ITGA11: variants seen among roughly 807,000 people sequenced by gnomAD.
ITGA11 encodes the protein integrin alpha-11.
ITGA11 carries 97 observed loss-of-function variants against 141.9 expected under a neutral mutation model. The ratio of observed to expected loss-of-function variants is 0.68; its 90% CI spans 0.58 to 0.81. The LOEUF is 0.81. ITGA11 is among the 30% of genes least tolerant of loss of function. The probability of loss-of-function intolerance (pLI) is 0.00; values close to 1 mark genes in which losing one functional copy is unlikely to be tolerated. For missense variants in ITGA11, 1,387 were observed against 1,559.2 expected (o/e 0.89, Z 1.86); for synonymous variants, 658 against 624.6 (o/e 1.05, Z -0.80).
At chr15:68,332,948 ATAGTT>A (rs1409750767) in intron 12 of ITGA11, among the ~76,000 whole-genome samples, 1 of 152,212 alleles carries the variant, frequency 6.6e-6, no homozygotes, top group African/African-American at 2.4e-5. Flanking sequence ...TAAGGCAAAT[ATAGTT>A]TATATACTGA....
rs368716827 is a variant in ITGA11, at chr15:68,408,546, G to A, written c.53-5517C>T. 5.3e-5 allele frequency among the ~76,000 whole-genome samples: 8 copies of A among 152,152 alleles called. No homozygotes were observed. In the East Asian group the frequency reaches 9.7e-4, roughly 18 times the overall value. The stretch of plus-strand genomic sequence containing the variant: ...CTATCAGCTTGGGAGAGTGGCTCAC[G>A]GGAAGCACGTGGAGTGCAAGTGTGC... On this transcript the variant is annotated intron_variant, in intron 1 of 29. Coordinates refer to ENST00000315757, the MANE Select transcript of ITGA11 (RefSeq NM_001004439.2).
Position 68,335,749 on chromosome 15 carries a change from G to A in ITGA11, c.1373C>T (p.Thr458Ile). 1.2e-6 allele frequency: 2 copies of A among 1,613,898 alleles called. No homozygotes were observed. The highest frequency in any genetic ancestry group is 1.7e-6 in the Non-Finnish European group (2 of 1,179,866). Residue 458 changes from threonine to isoleucine, a missense_variant, in exon 12 of 30, where the codon ACC becomes ATC. Coordinates refer to ENST00000315757, the MANE Select transcript of ITGA11 (RefSeq NM_001004439.2). The surrounding 1 kb of genome is among the most constrained non-coding windows in gnomAD (Gnocchi z 4.9). Reference protein sequence around the residue: ...FNHTGKVILFTMHNNRSLTIH... With the variant: ...FNHTGKVILFIMHNNRSLTIH... ...GGTGAGGCTCCGGTTGTTGTGCATG[G>A]TGAACAGGATGACCTTGCCCGTGTG...
At chr15:68,411,095 T>C (rs563320445) in intron 1 of ITGA11, among the ~76,000 whole-genome samples, 1 of 152,192 alleles carries the variant, frequency 6.6e-6, no homozygotes, top group Non-Finnish European at 1.5e-5. Context: ...CATTGCCACA[T>C]GGAGGGTGTG....
rs1378712564 is a variant in ITGA11 at position 68,335,017 on chromosome 15, G to C, written c.1425+680C>G. On this transcript the variant is annotated intron_variant, in intron 12 of 29. Coordinates refer to ENST00000315757, the MANE Select transcript of ITGA11 (RefSeq NM_001004439.2). This position sits in a 1 kb window ranked among gnomAD's most constrained non-coding sequence, Gnocchi z 4.9. ...GCGGATTCTCACAGTGACCAGCCAA[G>C]GGCAGTCAGAGACTCAGGAGACAGG... Among the ~76,000 whole-genome samples, 1 of 152,158 alleles carries C rather than the reference G, an allele frequency of 6.6e-6. No individual in the cohort carries two copies. Among genetic ancestry groups the C allele is most frequent in the African/African-American group, 2.4e-5 (1 of 41,434 alleles).
chr15:68,417,726 C>G (rs551206529), intron 1 of ITGA11, among the ~76,000 whole-genome samples: 1 of 152,316 alleles, frequency 6.6e-6, no homozygotes, highest in East Asian at 1.9e-4. Context: ...CAAGCTGTTT[C>G]CCACTTTGAG....
intron 20 of ITGA11, among the ~76,000 whole-genome samples, chr15:68,319,624 T>C (rs1212006197): frequency 6.6e-6 from 1 of 152,246 alleles, no homozygotes; most frequent in African/African-American, 2.4e-5. Context: ...GAACCGGTTC[T>C]GATTCTTGTC....
intron 2 of ITGA11, among the ~76,000 whole-genome samples, chr15:68,384,760 T>C (rs1895943740): frequency 6.6e-6 from 1 of 152,276 alleles, no homozygotes; most frequent in East Asian, 1.9e-4. Flanking sequence ...CAAGAGAAAA[T>C]AGCGGAGAGC....
intron 1 of ITGA11, among the ~76,000 whole-genome samples, chr15:68,405,507 G>C (rs1046241934): frequency 6.6e-6 from 1 of 152,110 alleles, no homozygotes; most frequent in African/African-American, 2.4e-5. Context: ...GCCCTGGAGT[G>C]GGGGTTGGGG....
rs1432514607 is a variant in ITGA11, at chr15:68,368,942, C to G, written c.265+242G>C. On this transcript the variant is annotated intron_variant, in intron 3 of 29. Coordinates refer to ENST00000315757, the MANE Select transcript of ITGA11 (RefSeq NM_001004439.2). ...AGTCAGAAAGAGGAATGGCCTGGGA[C>G]AGCTAGGGCCTGGGTTGATTCCTGG... 2.1e-5 allele frequency among the ~76,000 whole-genome samples: 3 copies of G among 141,496 alleles called. 1 individual carries two copies. Among genetic ancestry groups the G allele is most frequent in the African/African-American group, 7.9e-5 (3 of 38,190 alleles). The allele number at this position is 141,496 out of a possible 152,430, so 92.8% of individuals were successfully genotyped here. A position where few individuals can be genotyped will look rare whatever the true frequency, so the allele number is the denominator to read the frequency against.
intron 2 of ITGA11, among the ~76,000 whole-genome samples, chr15:68,393,270 A>T (rs1316630544): frequency 6.6e-6 from 1 of 152,216 alleles, no homozygotes; most frequent in Non-Finnish European, 1.5e-5. Context: ...ACACAATTCA[A>T]GTTTAGAAAG....
rs1893051601 is a variant in ITGA11, at chr15:68,302,115, T to TAC, written c.*943_*944insGT. ...GTGTGTGTGTGTGTGTGTGTGTGTGTAGGGAGGGGGTGATACAGGGAGGGG... is the reference window on the plus strand; with the variant it reads ...GTGTGTGTGTGTGTGTGTGTGTGTGTACAGGGAGGGGGTGATACAGGGAGGGG... On this transcript the variant is annotated 3_prime_UTR_variant, in exon 30 of 30. Transcript: ENST00000315757. 2.3e-5 allele frequency: 3 copies of TAC among 133,168 alleles called. No homozygotes were observed. Among genetic ancestry groups the TAC allele is most frequent in the African/African-American group, 8.4e-5 (3 of 35,548 alleles). 8.2% of individuals were successfully genotyped at this position (133,168 alleles called of 1,614,324 possible).
At chr15:68,343,963 G>T (rs571647104) in intron 10 of ITGA11, among the ~76,000 whole-genome samples, 1 of 152,186 alleles carries the variant, frequency 6.6e-6, no homozygotes, top group African/African-American at 2.4e-5. Flanking sequence ...GGCAGCTGGG[G>T]TGAGCAGAAG....
At chr15:68,377,071 C>CG (rs1895747417) in intron 2 of ITGA11, among the ~76,000 whole-genome samples, 1 of 152,220 alleles carries the variant, frequency 6.6e-6, no homozygotes, top group Non-Finnish European at 1.5e-5. Context: ...CTCTGACCAT[C>CG]TAGCGCACCC....
rs1893966571 is a variant in ITGA11 at position 68,326,204 on chromosome 15, T to C, written c.2211+450A>G. Among the ~76,000 whole-genome samples, 1 of 152,196 alleles carries C rather than the reference T, an allele frequency of 6.6e-6. No individual in the cohort carries two copies. Among genetic ancestry groups the C allele is most frequent in the Non-Finnish European group, 1.5e-5 (1 of 68,038 alleles). On this transcript the variant is annotated intron_variant, in intron 17 of 29. Coordinates refer to ENST00000315757, the MANE Select transcript of ITGA11 (RefSeq NM_001004439.2). This position sits in a 1 kb window ranked among gnomAD's most constrained non-coding sequence, Gnocchi z 6.8. ...TAAACCTCTCATTCTCTTCCTTAGC[T>C]ATAAAATGGGGCACCAGGCCACTAC...
intron 2 of ITGA11, among the ~76,000 whole-genome samples, chr15:68,387,972 T>C (rs1896026745): frequency 2.6e-5 from 4 of 152,250 alleles, no homozygotes; most frequent in Middle Eastern, 3.4e-3. Flanking sequence ...GCTCTCCTGA[T>C]GCACATGTGG....
intron 16 of ITGA11, among the ~76,000 whole-genome samples, chr15:68,327,241 C>T (rs1196042445): frequency 6.6e-6 from 1 of 152,194 alleles, no homozygotes; most frequent in Non-Finnish European, 1.5e-5. Flanking sequence ...TGGCCAGCCC[C>T]TTCCTGCCGG....
chr15:68,354,140 T>C (rs1409765546), intron 7 of ITGA11, among the ~76,000 whole-genome samples: 30 of 152,122 alleles, frequency 2.0e-4, no homozygotes, highest in African/African-American at 4.8e-5. Flanking sequence ...ATTCTCCCCA[T>C]AGCTTTCATC....
At chr15:68,420,773 C>A (rs1897000510) in intron 1 of ITGA11, among the ~76,000 whole-genome samples, 1 of 152,172 alleles carries the variant, frequency 6.6e-6, no homozygotes, top group Non-Finnish European at 1.5e-5. Flanking sequence ...GTAAACTCAA[C>A]AGACAAAAAT....
chr15:68,318,478 G>A (rs913997233), intron 20 of ITGA11, among the ~76,000 whole-genome samples: 1 of 152,174 alleles, frequency 6.6e-6, no homozygotes, highest in African/African-American at 2.4e-5. Context: ...ACCATCAGGT[G>A]GGCTCTTCAT....
Sources: gnomAD v4.1 joint callset for allele counts (sites outside exome capture counted in the v4.1 genomes callset) on GRCh38, gnomAD v4.1.1 for gene constraint, Gnocchi (gnomAD v3.1) non-coding constraint, MANE v1.5 for transcripts, NCBI Gene and HGNC (gene_info 2026-07-23, HGNC 2026-07-21) for gene names.